PM20D1: variants seen among roughly 807,000 people sequenced by gnomAD.
PM20D1 encodes N-fatty-acyl-amino acid synthase/hydrolase PM20D1.
In PM20D1, 53 loss-of-function variants were observed where a neutral mutation model predicts 53.8. The ratio of observed to expected loss-of-function variants is 0.98; its 90% CI spans 0.79 to 1.24. PM20D1 has a LOEUF of 1.24. Ranked by LOEUF, PM20D1 falls within the 50% of genes most tolerant of loss-of-function variation. The pLI is 0.00. For missense variants in PM20D1, 564 were observed against 616.8 expected, an observed-to-expected ratio of 0.91 and a Z score of 0.91; for synonymous variants, 239 against 241.3, an observed-to-expected ratio of 0.99 and a Z score of 0.09.
At chr1:205,842,363 A>G in intron 7 of PM20D1, 148 bp from the exon 8 acceptor site, 1 of 747,462 alleles carries the variant, frequency 1.3e-6, no homozygotes, top group Non-Finnish European at 2.3e-6. Flanking sequence ...TCCCTGCTAG[A>G]GGATCAGGAA....
intron 3 of PM20D1, 70 bp from the exon 4 acceptor site, chr1:205,844,967 C>A: frequency 7.4e-7 from 1 of 1,343,912 alleles, no homozygotes; most frequent in Non-Finnish European, 1.1e-6. Flanking sequence ...GTATCAGAGA[C>A]ATTCAGTTGC....
At chr1:205,846,937 C>A (rs1213408344) in intron 2 of PM20D1, among the ~76,000 whole-genome samples, 2 of 150,456 alleles carry the variant, frequency 1.3e-5, no homozygotes, top group Admixed American at 1.3e-4. Context: ...CCTTTTCAGC[C>A]TGGCCTCAGC....
chr1:205,842,321 G>T, intron 7 of PM20D1, 106 bp from the exon 8 acceptor site: 1 of 1,003,784 alleles, frequency 1.0e-6, no homozygotes, highest in Non-Finnish European at 1.6e-6. Flanking sequence ...GCCCTTAGCA[G>T]TCAGGAGTGC....
chr1:205,844,673 A>G, intron 4 of PM20D1, 138 bp downstream of exon 4: 1 of 713,126 alleles, frequency 1.4e-6, no homozygotes, highest in Middle Eastern at 3.8e-4. Flanking sequence ...TAGTCCTGGC[A>G]TACAGACACA....
At chr1:205,848,003 A>G (rs750139766) in intron 1 of PM20D1, 32 bp from the exon 2 acceptor site, 1 of 1,589,924 alleles carries the variant, frequency 6.3e-7, no homozygotes, top group Admixed American at 1.7e-5. Flanking sequence ...GAAAGATTGA[A>G]AATGAATTAG....
intron 3 of PM20D1, 120 bp downstream of exon 3, chr1:205,845,205 C>T: frequency 2.0e-6 from 2 of 1,021,186 alleles, no homozygotes; most frequent in South Asian, 1.5e-5. Flanking sequence ...GGCTGGAACC[C>T]AGGTCTCCTG....
At position 205,841,884 on chromosome 1, in the gene PM20D1, A is replaced by G. The variant is rs1656818399; in HGVS notation, c.971T>C (p.Met324Thr). 6.4e-7 allele frequency: 1 copy of G among 1,559,644 alleles called. No homozygotes were observed. The highest frequency in any genetic ancestry group is 8.7e-7 in the Non-Finnish European group (1 of 1,150,068). Residue 324 changes from methionine to threonine, a missense_variant, in exon 9 of 13, where the codon ATG becomes ACG. By Grantham distance (81) the Met-to-Thr change is moderately conservative. Coordinates refer to ENST00000367136, the MANE Select transcript of PM20D1 (RefSeq NM_152491.5). ...WLFEPLISRF[M>T]ERNPLTNAII... Reference sequence around the variant, plus strand: ...TGCATTGGTTAAGGGATTTCTCTCCATAAACCTAAAACAAAAGGACCAAGG... The same window carrying G: ...TGCATTGGTTAAGGGATTTCTCTCCGTAAACCTAAAACAAAAGGACCAAGG...
intron 10 of PM20D1, among the ~76,000 whole-genome samples, chr1:205,833,557 G>A (rs1343694084): frequency 6.6e-6 from 1 of 152,164 alleles, no homozygotes; most frequent in Non-Finnish European, 1.5e-5. Flanking sequence ...TCGTTTCCTT[G>A]GGAAAGAACC....
chr1:205,841,711 A>G, intron 9 of PM20D1, 100 bp downstream of exon 9: 1 of 1,215,918 alleles, frequency 8.2e-7, no homozygotes, highest in South Asian at 1.3e-5. Flanking sequence ...GATCCAGCTG[A>G]CACACACAGA....
rs771620323 is a variant in PM20D1, at chr1:205,844,177, T to G, written c.617A>C (p.Gln206Pro). 8.1e-6 allele frequency: 13 copies of G among 1,613,710 alleles called. No individual in the cohort carries two copies. Among genetic ancestry groups the G allele is most frequent in the African/African-American group, 1.3e-5 (1 of 74,914 alleles). Residue 206 changes from glutamine to proline, a missense_variant, in exon 5 of 13, where the codon CAG (glutamine) becomes CCG (proline). Physicochemically the swap from Gln to Pro is moderately conservative, Grantham distance 76. Coordinates refer to ENST00000367136, the MANE Select transcript of PM20D1 (RefSeq NM_152491.5). ...TGAQRISALL[Q>P]SRGVQLAFIV... ...GAAGGCTAGCTGGACGCCCCTTGACTGTAGCAGGGCTGAGATCCTCTGAGC... is the reference window on the plus strand; with the variant it reads ...GAAGGCTAGCTGGACGCCCCTTGACGGTAGCAGGGCTGAGATCCTCTGAGC...
At chr1:205,840,151 G>T in intron 10 of PM20D1, 101 bp downstream of exon 10, 2 of 927,678 alleles carry the variant, frequency 2.2e-6, no homozygotes, top group Middle Eastern at 3.0e-4. Context: ...TTGAATAAAT[G>T]GGACACTGGA....
chr1:205,836,167 C>T (rs1196728547), intron 10 of PM20D1, among the ~76,000 whole-genome samples: 1 of 152,222 alleles, frequency 6.6e-6, no homozygotes, highest in Non-Finnish European at 1.5e-5. Flanking sequence ...AGCCACTGCA[C>T]TGGGCCCAGA....
intron 6 of PM20D1, 70 bp from the exon 7 acceptor site, chr1:205,842,821 G>A: frequency 1.4e-6 from 2 of 1,437,394 alleles, no homozygotes; most frequent in Non-Finnish European, 1.9e-6. Context: ...AAGAGGAGAA[G>A]AAGGGAGATA....
rs775577746 is a variant in PM20D1 at position 205,832,620 on chromosome 1, C to T, written c.1263G>A (p.Pro421=). The change falls in exon 11 of 13, where the codon CCG becomes CCA. Residue 421 remains proline (P), a synonymous_variant. Coordinates refer to ENST00000367136, the MANE Select transcript of PM20D1 (RefSeq NM_152491.5). ...TACCTGGGGCAGTAATATTGACTTC[C>T]GGGAAGACGGACTGTACGGTCTGGC... is the stretch of plus-strand genomic sequence containing the variant. The part of the protein sequence containing the change: ...LLRQTVQSVF[P]EVNITAPVTS... 6.4e-5 allele frequency: 104 copies of T among 1,613,952 alleles called. 3 individuals are homozygous for T. The highest frequency in any genetic ancestry group is 4.7e-4 in the South Asian group (43 of 91,078).
At chr1:205,845,204 C>T in intron 3 of PM20D1, 121 bp downstream of exon 3, 1 of 1,009,194 alleles carries the variant, frequency 9.9e-7, no homozygotes. Flanking sequence ...TGGCTGGAAC[C>T]CAGGTCTCCT....
rs376876779 is a variant in PM20D1, at chr1:205,840,238, C to G, written c.1116+14G>C. On this transcript the variant is annotated intron_variant, in intron 10 of 12. Coordinates refer to ENST00000367136, the MANE Select transcript of PM20D1 (RefSeq NM_152491.5). ...ATGCTGCATGAGTTGTTGTCTGGAA[C>G]ATATGGTACATACCTCTTGGACTGT... The G allele has an allele frequency of 1.2e-6, 2 of 1,608,868 alleles. No individual in the cohort carries two copies. The highest frequency in any genetic ancestry group is 2.7e-5 in the African/African-American group (2 of 74,798).
At chr1:205,848,869 A>C (rs1195743925) in intron 1 of PM20D1, among the ~76,000 whole-genome samples, 5 of 152,382 alleles carry the variant, frequency 3.3e-5, no homozygotes, top group Admixed American at 3.3e-4. Context: ...ACTCAAGGGC[A>C]GACCCAAGGA....
Position 205,828,763 on chromosome 1 carries a change from T to C in PM20D1, c.1386-20A>G. 6.2e-7 allele frequency: 1 copy of C among 1,613,418 alleles called. No individual in the cohort carries two copies. Among genetic ancestry groups the C allele is most frequent in the Non-Finnish European group, 8.5e-7 (1 of 1,179,576 alleles). On this transcript the variant is annotated intron_variant, in intron 12 of 12. Coordinates refer to ENST00000367136, the MANE Select transcript of PM20D1 (RefSeq NM_152491.5). ...TGGATGCTGAGGAAAGTAAGGTGCA[T>C]TTAGGGAAGGAGGGGAGGGCCAAGT...
Position 205,840,338 on chromosome 1 carries a change from A to C in PM20D1, c.1045-15T>G. 6.2e-7 allele frequency: 1 copy of C among 1,611,042 alleles called. No individual in the cohort carries two copies. On this transcript the variant is annotated splice_polypyrimidine_tract_variant and intron_variant, in intron 9 of 12. Transcript: ENST00000367136. Reference sequence around the variant, plus strand: ...ATGACATTGAACTAGAGAGAGAAGCACAAAACCCTGGCTTGAGTCAACCTC... The same window carrying C: ...ATGACATTGAACTAGAGAGAGAAGCCCAAAACCCTGGCTTGAGTCAACCTC...
Sources: gnomAD v4.1 joint callset for allele counts (sites outside exome capture counted in the v4.1 genomes callset) on GRCh38, gnomAD v4.1.1 for gene constraint, MANE v1.5 for transcripts, NCBI Gene and HGNC (gene_info 2026-07-23, HGNC 2026-07-21) for gene names.